Variants in CCDC141 observed in about 807,000 individuals in gnomAD.
CCDC141 encodes coiled-coil domain-containing protein 141.
Under a neutral mutation model 181.0 loss-of-function variants are expected in CCDC141, and 168 were observed. That is an observed-to-expected ratio of 0.93 (90% CI 0.82 to 1.05). The LOEUF (loss-of-function observed/expected upper bound fraction) is 1.05. Among genes scored for constraint, CCDC141 ranks in the 50% least tolerant of loss-of-function variants. The pLI, the probability that CCDC141 is intolerant of heterozygous loss-of-function variation, is 0.00. For missense variants in CCDC141, 1,902 were observed against 1,788.5 expected, an observed-to-expected ratio of 1.06 and a Z score of -1.14; for synonymous variants, 666 against 642.3, an observed-to-expected ratio of 1.04 and a Z score of -0.56.
chr2:178,831,161 T>G lies in CCDC141; in HGVS notation c.*3012A>C, dbSNP rs933362525. 6.6e-6 allele frequency: 1 copy of G among 152,196 alleles called. No individual in the cohort carries two copies. Among genetic ancestry groups the G allele is most frequent in the African/African-American group, 2.4e-5 (1 of 41,440 alleles). The allele number at this position is 152,196 out of a possible 1,614,324, so 9.4% of individuals were successfully genotyped here. A position where few individuals can be genotyped will look rare whatever the true frequency, so the allele number is the denominator to read the frequency against. On this transcript the variant is annotated 3_prime_UTR_variant, in exon 24 of 24. Transcript: ENST00000443758. ...AAATATTTTAAATATCATAGAATAT[T>G]CAGAGATTCAAATGTACAGATTCCT...
chr2:179,032,995 T>TTATATATATATATAATATAGAATATTA, intron 2 of CCDC141, among the ~76,000 whole-genome samples: 1 of 147,184 alleles, frequency 6.8e-6, no homozygotes, highest in African/African-American at 2.5e-5. Context: ...TCTCAGAATA[T>TTATATATATATATAATATAGAATATTA]TATATATATA....
chr2:178,927,991 T>C (rs1339810861), intron 6 of CCDC141, among the ~76,000 whole-genome samples: 1 of 152,156 alleles, frequency 6.6e-6, no homozygotes, highest in Admixed American at 6.5e-5. Context: ...TTATGGGGAA[T>C]GGAGCAGGGA....
At position 178,978,549 on chromosome 2, in the gene CCDC141, A is replaced by G; in HGVS notation, c.352T>C (p.Ser118Pro). ...TLGEAWAALV[S>P]MLERRTELLR... ...AGCTCTGTTCTTCTTTCAAGCATGG[A>G]CACCAGAGCTGCCCATGCTTCACCC... The change falls in exon 3 of 24, where the codon TCC becomes CCC. Residue 118 changes from serine to proline, a missense_variant. Physicochemically the swap from Ser to Pro is moderately conservative, Grantham distance 74. Coordinates refer to ENST00000443758, the MANE Select transcript of CCDC141 (RefSeq NM_173648.4). 6.5e-7 allele frequency: 1 copy of G among 1,545,572 alleles called. No homozygotes were observed. Among genetic ancestry groups the G allele is most frequent in the Non-Finnish European group, 8.7e-7 (1 of 1,144,880 alleles).
At chr2:179,036,633 T>C (rs1411272762) in intron 2 of CCDC141, among the ~76,000 whole-genome samples, 1 of 152,178 alleles carries the variant, frequency 6.6e-6, no homozygotes, top group Non-Finnish European at 1.5e-5. Flanking sequence ...ACTATTTTCA[T>C]TTTTTAGTGG....
chr2:178,897,110 TG>T (rs1462903860), intron 8 of CCDC141, among the ~76,000 whole-genome samples: 4 of 152,154 alleles, frequency 2.6e-5, no homozygotes, highest in Non-Finnish European at 5.9e-5. Context: ...ATGTCTAAAA[TG>T]ATCTCCTGCT....
At chr2:179,027,876 C>T (rs2042897619) in intron 2 of CCDC141, among the ~76,000 whole-genome samples, 1 of 152,160 alleles carries the variant, frequency 6.6e-6, no homozygotes. Flanking sequence ...AATACACCCT[C>T]ATCCCATTGT....
chr2:179,044,970 T>C (rs2043440829), intron 2 of CCDC141, among the ~76,000 whole-genome samples: 3 of 79,838 alleles, frequency 3.8e-5, no homozygotes, highest in African/African-American at 1.1e-4. Context: ...ATGGGGTTTT[T>C]CTTTTTTTTT....
At chr2:178,858,013 T>C (rs561033748) in intron 17 of CCDC141, among the ~76,000 whole-genome samples, 3 of 152,342 alleles carry the variant, frequency 2.0e-5, no homozygotes, top group South Asian at 2.1e-4. Context: ...GAAATTATTA[T>C]ACTGATAGAA....
chr2:179,028,409 A>G (rs2042914245), intron 2 of CCDC141, among the ~76,000 whole-genome samples: 1 of 152,204 alleles, frequency 6.6e-6, no homozygotes, highest in Admixed American at 6.5e-5. Flanking sequence ...TCAGTGGAAC[A>G]ACAGTTTACC....
At chr2:179,041,063 G>A (rs2043284944) in intron 2 of CCDC141, among the ~76,000 whole-genome samples, 1 of 124,794 alleles carries the variant, frequency 8.0e-6, no homozygotes, top group South Asian at 2.5e-4. Flanking sequence ...CTGTTGTTTT[G>A]TTTGTTTGTT....
intron 7 of CCDC141, among the ~76,000 whole-genome samples, chr2:178,909,058 C>T (rs971339748): frequency 1.3e-5 from 2 of 152,184 alleles, no homozygotes; most frequent in Admixed American, 1.3e-4. Flanking sequence ...ACTCTCAAAT[C>T]CTCAGGCATT....
At chr2:178,855,093 C>T (rs1379527970) in intron 19 of CCDC141, among the ~76,000 whole-genome samples, 1 of 152,170 alleles carries the variant, frequency 6.6e-6, no homozygotes, top group African/African-American at 2.4e-5. Context: ...CAGGAACTCT[C>T]ACACATTGCC....
chr2:178,892,941 T>G (rs991300708), intron 8 of CCDC141, among the ~76,000 whole-genome samples: 1 of 152,186 alleles, frequency 6.6e-6, no homozygotes, highest in African/African-American at 2.4e-5. Flanking sequence ...GGGCTAACAA[T>G]GGGCTTAGAC....
At chr2:178,870,248 A>T (rs2154369044) in intron 14 of CCDC141, among the ~76,000 whole-genome samples, 1 of 151,540 alleles carries the variant, frequency 6.6e-6, no homozygotes, top group South Asian at 2.1e-4. Flanking sequence ...AAAAAAAAAA[A>T]AAAAAAGACA....
rs559964158 is a variant in CCDC141 at position 178,975,266 on chromosome 2, C to T, written c.418-101G>A. The T allele has an allele frequency of 6.8e-6, 4 of 590,550 alleles. No homozygotes were observed. The Admixed American group carries it at 1.1e-4, about 16-fold the overall frequency. 36.6% of individuals were successfully genotyped at this position (590,550 alleles called of 1,614,324 possible). A position where few individuals can be genotyped will look rare whatever the true frequency, so the allele number is the denominator to read the frequency against. ...TGTTTTTCATAAATTAGTAGCCCAA[C>T]TGAGGATGTGTGATTATGCAAGTGC... is the stretch of plus-strand genomic sequence containing the variant. On this transcript the variant is annotated intron_variant, in intron 3 of 23. Coordinates refer to ENST00000443758, the MANE Select transcript of CCDC141 (RefSeq NM_173648.4).
chr2:178,948,651 C>T (rs778203872), intron 5 of CCDC141, among the ~76,000 whole-genome samples: 5 of 152,104 alleles, frequency 3.3e-5, no homozygotes, highest in African/African-American at 4.8e-5. Flanking sequence ...GGAGCGGACC[C>T]CTCATGAATA....
chr2:179,032,796 C>A (rs79640077), intron 2 of CCDC141, among the ~76,000 whole-genome samples: 16,211 of 151,580 alleles, frequency 0.11, 1,296 homozygotes, highest in Admixed American at 0.21. Context: ...CGCTCAAGGA[C>A]CTAAGTTTCA....
At chr2:178,816,415 A>G in the CCDC141 span, among the ~76,000 whole-genome samples, 1 of 152,138 alleles carries the variant, frequency 6.6e-6, no homozygotes, top group South Asian at 2.1e-4. Context: ...GTATGTATGT[A>G]TCTCAGTTTG....
intron 8 of CCDC141, among the ~76,000 whole-genome samples, chr2:178,899,379 G>T (rs1687573100): frequency 6.6e-6 from 1 of 152,108 alleles, no homozygotes; most frequent in African/African-American, 2.4e-5. Context: ...CACTGTACTT[G>T]TTTATTGAGC....
Sources: allele counts gnomAD v4.1 joint callset (sites outside exome capture counted in the v4.1 genomes callset), GRCh38; gene constraint gnomAD v4.1.1; transcripts MANE v1.5; gene names NCBI Gene and HGNC (gene_info 2026-07-23, HGNC 2026-07-21).